CHRAC1: variants seen among roughly 807,000 people sequenced by gnomAD.
CHRAC1 encodes chromatin accessibility complex subunit 1.
A neutral mutation model predicts 9.1 loss-of-function variants in CHRAC1; 6 were observed. The ratio of observed to expected loss-of-function variants is 0.66; its 90% CI spans 0.36 to 1.29. The LOEUF (loss-of-function observed/expected upper bound fraction) is 1.29, where lower values mean the gene tolerates loss of function less well. CHRAC1 is among the 50% of genes most tolerant of loss of function. The probability of loss-of-function intolerance (pLI) is 0.03; values close to 1 mark genes in which losing one functional copy is unlikely to be tolerated. For missense variants in CHRAC1, 168 were observed against 163.5 expected, an observed-to-expected ratio of 1.03 and a Z score of -0.15; for synonymous variants, 73 against 64.5, an observed-to-expected ratio of 1.13 and a Z score of -0.63.
chr8:140,511,797 C>A, intron 1 of CHRAC1, 151 bp downstream of exon 1: 1 of 852,532 alleles, frequency 1.2e-6, no homozygotes, highest in Non-Finnish European at 1.7e-6. Context: ...CCCACGCCGG[C>A]GCGCGCTTCG....
In CHRAC1 at chr8:140,515,152, A is replaced by G; in HGVS notation, c.301A>G (p.Ser101Gly). The change falls in exon 3 of 3, where the codon AGT becomes GGT. Residue 101 changes from serine to glycine, a missense_variant. Transcript: ENST00000220913. ...ADILPKKILA[S>G]KYLKMLKEEK... Reference sequence around the variant, plus strand: ...TATATTACCAAAGAAGATTTTAGCTAGTAAATACCTGAAAATGCTTAAAGA... The same window carrying G: ...TATATTACCAAAGAAGATTTTAGCTGGTAAATACCTGAAAATGCTTAAAGA... 1 of 1,611,246 alleles carries G rather than the reference A, an allele frequency of 6.2e-7. No individual in the cohort carries two copies. The highest frequency in any genetic ancestry group is 8.5e-7 in the Non-Finnish European group (1 of 1,177,380).
intron 1 of CHRAC1, 108 bp downstream of exon 1, chr8:140,511,754 T>C: frequency 9.6e-7 from 1 of 1,045,192 alleles, no homozygotes; most frequent in Non-Finnish European, 1.2e-6. Flanking sequence ...CCGGCTGCTC[T>C]TGCCGGGCTC....
intron 1 of CHRAC1, chr8:140,511,972 C>T (rs1422012995): frequency 3.9e-6 from 5 of 1,296,100 alleles, no homozygotes; most frequent in African/African-American, 3.0e-5. Flanking sequence ...ACCTTCGCCC[C>T]GCCCACCCCA....
In CHRAC1 at chr8:140,516,025, C is replaced by G. The variant is rs2072332743; in HGVS notation, c.*778C>G. 1.3e-5 allele frequency: 2 copies of G among 151,996 alleles called. No homozygotes were observed. Among genetic ancestry groups the G allele is most frequent in the South Asian group, 4.1e-4 (2 of 4,822 alleles). The allele number at this position is 151,996 out of a possible 1,614,324, so 9.4% of individuals were successfully genotyped here. ...TTTGTATATTGGAGATCTCTCTCAT[C>G]TTACTGTTCTTTGCTTTAAATTCCT... On this transcript the variant is annotated 3_prime_UTR_variant, in exon 3 of 3. Transcript: ENST00000220913.
chr8:140,515,366 T>A lies in CHRAC1; in HGVS notation c.*119T>A, dbSNP rs2231527. ...TTCACTTCTTCACAGAGTTCCAGTG[T>A]GTGGTATTCTTTCGAGGTATTCTTT... is the stretch of plus-strand genomic sequence containing the variant. On this transcript the variant is annotated 3_prime_UTR_variant, in exon 3 of 3. Transcript: ENST00000220913. The A allele has an allele frequency of 9.9e-7, 1 of 1,006,338 alleles. No individual in the cohort carries two copies. Among genetic ancestry groups the A allele is most frequent in the Non-Finnish European group, 1.5e-6 (1 of 677,434 alleles). 62.3% of individuals were successfully genotyped at this position (1,006,338 alleles called of 1,614,324 possible). A position where few individuals can be genotyped will look rare whatever the true frequency, so the allele number is the denominator to read the frequency against.
intron 1 of CHRAC1, 39 bp downstream of exon 1, chr8:140,511,685 C>T: frequency 3.9e-6 from 5 of 1,294,962 alleles, no homozygotes; most frequent in Non-Finnish European, 3.9e-6. Flanking sequence ...GCCCTTACCC[C>T]TCGCGCCCCG....
Position 140,513,271 on chromosome 8 carries a change from A to C in CHRAC1, c.148-1098A>C, listed in dbSNP as rs2072299110. Reference sequence around the variant, plus strand: ...AGTTCCGGTTGTTTCATTAGGTCTGAGGGTTGTATGTCAGTTCCTAGAATA... The same window carrying C: ...AGTTCCGGTTGTTTCATTAGGTCTGCGGGTTGTATGTCAGTTCCTAGAATA... On this transcript the variant is annotated intron_variant, in intron 1 of 2. Transcript: ENST00000220913. Among the ~76,000 whole-genome samples, 7 of 152,316 alleles carry C rather than the reference A, an allele frequency of 4.6e-5. No individual in the cohort carries two copies. The South Asian group carries it at 1.4e-3, about 32-fold the overall frequency.
intron 2 of CHRAC1, 136 bp downstream of exon 2, chr8:140,514,631 T>C (rs7840049): frequency 1.1e-5 from 7 of 610,300 alleles, no homozygotes; most frequent in East Asian, 6.4e-5. Flanking sequence ...GTACTATGAG[T>C]TGTCACAGGA....
intron 1 of CHRAC1, among the ~76,000 whole-genome samples, chr8:140,513,536 C>G (rs958737405): frequency 2.0e-5 from 3 of 151,842 alleles, no homozygotes; most frequent in African/African-American, 7.3e-5. Flanking sequence ...CCCGGGCTTA[C>G]GCCATTCTCC....
chr8:140,514,185 C>T (rs924628068), intron 1 of CHRAC1, 184 bp from the exon 2 acceptor site: 6 of 531,348 alleles, frequency 1.1e-5, no homozygotes, highest in East Asian at 9.3e-5. Context: ...GTATTACCAG[C>T]GTGAGCCACC....
chr8:140,514,392 C>T lies in CHRAC1; in HGVS notation c.171C>T (p.Ala57=). ...AGGAGCTCTTTGTTCAATGCCTAGCCACCTATTCCTACAGACACGGCAGTG... is the reference window on the plus strand; with the variant it reads ...AGGAGCTCTTTGTTCAATGCCTAGCTACCTATTCCTACAGACACGGCAGTG... The part of the protein sequence containing the change: ...KATELFVQCL[A]TYSYRHGSGK... Residue 57 remains alanine, a synonymous_variant, in exon 2 of 3, where the codon GCC becomes GCT. Transcript: ENST00000220913. The T allele has an allele frequency of 6.3e-7, 1 of 1,586,436 alleles. No homozygotes were observed.
chr8:140,513,209 C>T (rs917755975), intron 1 of CHRAC1, among the ~76,000 whole-genome samples: 7 of 152,164 alleles, frequency 4.6e-5, no homozygotes, highest in Non-Finnish European at 8.8e-5. Context: ...AAGACTTGGC[C>T]CTGCTATAAG....
chr8:140,512,897 A>G (rs1054789124), intron 1 of CHRAC1, among the ~76,000 whole-genome samples: 5 of 152,176 alleles, frequency 3.3e-5, no homozygotes, highest in East Asian at 3.9e-4. Flanking sequence ...GCTCACTGCA[A>G]CCTCTGCCTC....
rs533870144 is a variant in CHRAC1 at position 140,515,267 on chromosome 8, C to G, written c.*20C>G. 2.0e-5 allele frequency: 32 copies of G among 1,612,238 alleles called. No homozygotes were observed. In the African/African-American group the frequency reaches 3.1e-4, roughly 15 times the overall value. ...TCCTAAACCAAAAGTGCTTTAAAAA[C>G]CAGCCTGGCGAGGACAGCCCTGGAC... On this transcript the variant is annotated 3_prime_UTR_variant, in exon 3 of 3. Transcript: ENST00000220913.
intron 1 of CHRAC1, among the ~76,000 whole-genome samples, chr8:140,512,461 T>C (rs1588416933): frequency 6.6e-6 from 1 of 152,350 alleles, no homozygotes; most frequent in Non-Finnish European, 1.5e-5. Flanking sequence ...AGCATCCTCC[T>C]GGGTGCAAAA....
At position 140,511,385 on chromosome 8, in the gene CHRAC1, T is replaced by C. The variant is rs988696087; in HGVS notation, c.-115T>C. The C allele has an allele frequency of 2.0e-6, 2 of 1,013,102 alleles. No individual in the cohort carries two copies. The highest frequency in any genetic ancestry group is 2.6e-6 in the Non-Finnish European group (2 of 772,590). 62.8% of individuals were successfully genotyped at this position (1,013,102 alleles called of 1,614,324 possible). ...GCCTCGCGGCCTCGCCTCCCCACAC[T>C]ACAACTCCCACGGGGCAGCGGGCGC... On this transcript the variant is annotated 5_prime_UTR_variant, in exon 1 of 3. Transcript: ENST00000220913.
chr8:140,511,921 G>T (rs1342433187), intron 1 of CHRAC1: 3 of 1,173,232 alleles, frequency 2.6e-6, no homozygotes, highest in Non-Finnish European at 3.4e-6. Context: ...CCCGCCCTTT[G>T]TCGCCTTCCT....
chr8:140,511,818 G>A, intron 1 of CHRAC1, 172 bp downstream of exon 1: 1 of 770,478 alleles, frequency 1.3e-6, no homozygotes, highest in Non-Finnish European at 2.0e-6. Context: ...GTGCCCGCGC[G>A]CCCCCACACT....
Position 140,515,321 on chromosome 8 carries a change from C to T in CHRAC1, c.*74C>T. ...CTCCACTGTCTCTAAGTAAACACAGCACTGCCCGCTTTTAGCGTCTTCACT... is the reference window on the plus strand; with the variant it reads ...CTCCACTGTCTCTAAGTAAACACAGTACTGCCCGCTTTTAGCGTCTTCACT... On this transcript the variant is annotated 3_prime_UTR_variant, in exon 3 of 3. Transcript: ENST00000220913. The T allele has an allele frequency of 2.0e-6, 3 of 1,474,052 alleles. No individual in the cohort carries two copies. The highest frequency in any genetic ancestry group is 1.2e-5 in the South Asian group (1 of 80,286). 91.3% of individuals were successfully genotyped at this position (1,474,052 alleles called of 1,614,324 possible). A position where few individuals can be genotyped will look rare whatever the true frequency, so the allele number is the denominator to read the frequency against.
Sources: allele counts gnomAD v4.1 joint callset (sites outside exome capture counted in the v4.1 genomes callset), GRCh38; gene constraint gnomAD v4.1.1; transcripts MANE v1.5; gene names NCBI Gene and HGNC (gene_info 2026-07-23, HGNC 2026-07-21).